Variants in CEP112 observed in about 807,000 individuals in gnomAD.
The protein encoded by CEP112 is centrosomal protein of 112 kDa.
Under a neutral mutation model 153.0 loss-of-function variants are expected in CEP112, and 127 were observed. The ratio of observed to expected loss-of-function variants is 0.83; its 90% CI spans 0.72 to 0.96. The LOEUF (loss-of-function observed/expected upper bound fraction) is 0.96. CEP112 is among the 40% of genes least tolerant of loss of function. The pLI is 0.00. For synonymous variants in CEP112, 358 were observed against 374.4 expected, an observed-to-expected ratio of 0.96 and a Z score of 0.51; for missense variants, 1,089 against 1,101.2, an observed-to-expected ratio of 0.99 and a Z score of 0.16.
At chr17:65,769,357 T>C (rs777776995) in intron 21 of CEP112, among the ~76,000 whole-genome samples, 7 of 152,042 alleles carry the variant, frequency 4.6e-5, no homozygotes, top group South Asian at 4.2e-4. Context: ...AAGGAATATA[T>C]AGATGCAATG....
chr17:66,014,581 A>C (rs1188204601), intron 16 of CEP112, among the ~76,000 whole-genome samples: 1 of 152,074 alleles, frequency 6.6e-6, no homozygotes, highest in Non-Finnish European at 1.5e-5. Context: ...CATCTCTCTA[A>C]GCAACTCTCT....
intron 18 of CEP112, among the ~76,000 whole-genome samples, chr17:65,935,124 G>C (rs1431870971): frequency 6.6e-6 from 1 of 152,154 alleles, no homozygotes; most frequent in Non-Finnish European, 1.5e-5. Context: ...TGGGGACACA[G>C]AGCCAAACCA....
chr17:66,176,113 G>A (rs1656854729), intron 3 of CEP112, among the ~76,000 whole-genome samples: 1 of 152,144 alleles, frequency 6.6e-6, no homozygotes, highest in Non-Finnish European at 1.5e-5. Flanking sequence ...ACTAAATTGT[G>A]CTTTAAGTAA....
At chr17:65,782,295 T>C (rs2054039791) in intron 21 of CEP112, among the ~76,000 whole-genome samples, 1 of 152,118 alleles carries the variant, frequency 6.6e-6, no homozygotes, top group African/African-American at 2.4e-5. Flanking sequence ...CACAATGAGA[T>C]ACCATCTCAC....
At chr17:65,728,039 T>C (rs543774881) in intron 23 of CEP112, among the ~76,000 whole-genome samples, 3 of 152,344 alleles carry the variant, frequency 2.0e-5, no homozygotes, top group Admixed American at 2.0e-4. Context: ...TAAAGTTTTA[T>C]TGGAACATAG....
intron 16 of CEP112, among the ~76,000 whole-genome samples, chr17:66,012,744 T>C (rs2064589530): frequency 1.3e-5 from 2 of 152,194 alleles, no homozygotes; most frequent in African/African-American, 4.8e-5. Context: ...AAAGGTTCTC[T>C]GCATTTCCTG....
intron 21 of CEP112, among the ~76,000 whole-genome samples, chr17:65,779,090 T>C (rs892096926): frequency 2.6e-5 from 4 of 152,162 alleles, no homozygotes; most frequent in African/African-American, 9.6e-5. Flanking sequence ...TTCAAATATT[T>C]AAAGAAAGTT....
intron 21 of CEP112, among the ~76,000 whole-genome samples, chr17:65,795,872 T>A (rs904187018): frequency 1.3e-5 from 2 of 152,022 alleles, no homozygotes; most frequent in African/African-American, 2.4e-5. Flanking sequence ...CACTAAAAAA[T>A]CTTCAATGGT....
At chr17:65,835,980 G>A (rs2057292106) in intron 21 of CEP112, among the ~76,000 whole-genome samples, 1 of 152,196 alleles carries the variant, frequency 6.6e-6, no homozygotes, top group African/African-American at 2.4e-5. Flanking sequence ...TGGTGAAGGG[G>A]ATGCTGTTAA....
At chr17:66,158,545 G>C (rs1488023066) in intron 4 of CEP112, among the ~76,000 whole-genome samples, 1 of 152,092 alleles carries the variant, frequency 6.6e-6, no homozygotes, top group Non-Finnish European at 1.5e-5. Context: ...CCAGGAGGTG[G>C]AGCTTGCAGT....
At chr17:66,083,755 G>A (rs547692149) in intron 8 of CEP112, among the ~76,000 whole-genome samples, 69 of 152,262 alleles carry the variant, frequency 4.5e-4, no homozygotes, top group African/African-American at 1.6e-3. Flanking sequence ...GGAGGCTGAG[G>A]CAGGAGAATT....
chr17:65,755,813 T>C (rs185291408), intron 21 of CEP112, among the ~76,000 whole-genome samples: 2 of 152,152 alleles, frequency 1.3e-5, no homozygotes, highest in African/African-American at 4.8e-5. Context: ...TTAATAAGTT[T>C]GTACTTATTA....
chr17:65,938,799 A>G (rs996197478), intron 18 of CEP112, among the ~76,000 whole-genome samples: 2 of 151,608 alleles, frequency 1.3e-5, no homozygotes, highest in Non-Finnish European at 1.5e-5. Flanking sequence ...ATACAATAGT[A>G]ACAAACGATT....
At chr17:65,927,472 G>C in intron 19 of CEP112, 110 bp downstream of exon 19, 1 of 648,360 alleles carries the variant, frequency 1.5e-6, no homozygotes, top group Non-Finnish European at 2.6e-6. Flanking sequence ...GGTAACAACA[G>C]CTCTTAGTAA....
At chr17:65,643,479 T>TC (rs2045260375) in intron 24 of CEP112, among the ~76,000 whole-genome samples, 2 of 151,372 alleles carry the variant, frequency 1.3e-5, no homozygotes, top group African/African-American at 4.9e-5. Flanking sequence ...TTTTTTTTTT[T>TC]TAGTAGAGAT....
At chr17:65,757,776 A>T (rs1299988776) in intron 21 of CEP112, among the ~76,000 whole-genome samples, 1 of 152,240 alleles carries the variant, frequency 6.6e-6, no homozygotes, top group Non-Finnish European at 1.5e-5. Context: ...TTGAAAATTC[A>T]TGGCTAACTT....
At chr17:65,820,923 G>A (rs1261699621) in intron 21 of CEP112, among the ~76,000 whole-genome samples, 1 of 152,038 alleles carries the variant, frequency 6.6e-6, no homozygotes, top group Admixed American at 6.6e-5. Context: ...ATGACCCGGG[G>A]TTGCTTCCTT....
At position 65,819,941 on chromosome 17, in the gene CEP112, T is replaced by C. The variant is rs545056133; in HGVS notation, c.2394+31863A>G. Among the ~76,000 whole-genome samples, 10 of 152,198 alleles carry C rather than the reference T, an allele frequency of 6.6e-5. No individual in the cohort carries two copies. The East Asian group carries it at 1.7e-3, about 26-fold the overall frequency. On this transcript the variant is annotated intron_variant, in intron 21 of 26. Coordinates refer to ENST00000535342, the MANE Select transcript of CEP112 (RefSeq NM_001199165.4). Reference sequence around the variant, plus strand: ...GCTAGTGAAATTAAAATAAGATTTGTAGTTATTTAATAGATTGTGCCACTG... The same window carrying C: ...GCTAGTGAAATTAAAATAAGATTTGCAGTTATTTAATAGATTGTGCCACTG...
intron 24 of CEP112, 36 bp downstream of exon 24, chr17:65,689,093 G>A (rs766194605): frequency 9.6e-6 from 14 of 1,454,690 alleles, no homozygotes; most frequent in African/African-American, 1.4e-5. Flanking sequence ...CCTAGAGAAA[G>A]TAAACAAGAG....
Sources: gnomAD v4.1 joint callset for allele counts (sites outside exome capture counted in the v4.1 genomes callset) on GRCh38, gnomAD v4.1.1 for gene constraint, MANE v1.5 for transcripts, NCBI Gene and HGNC (gene_info 2026-07-23, HGNC 2026-07-21) for gene names.